Variants in IL1RAPL2 observed in about 807,000 individuals in gnomAD.
IL1RAPL2 encodes X-linked interleukin-1 receptor accessory protein-like 2.
Under a neutral mutation model 44.1 loss-of-function variants are expected in IL1RAPL2, and 3 were observed. The observed-to-expected ratio is 0.07, with a 90% CI of 0.03 to 0.18. IL1RAPL2 has a LOEUF of 0.18. Among genes scored for constraint, IL1RAPL2 ranks in the 10% least tolerant of loss-of-function variants. The pLI is 1.00. For missense variants in IL1RAPL2, 391 were observed against 496.4 expected (o/e 0.79, Z 2.02); for synonymous variants, 181 against 178.8 (o/e 1.01, Z -0.10).
chrX:104,964,345 T>C (rs1433083871), intron 2 of IL1RAPL2, among the ~76,000 whole-genome samples: 1 of 109,111 alleles, frequency 9.2e-6, no homozygotes, highest in Non-Finnish European at 1.9e-5. Flanking sequence ...GGAGTCTCGC[T>C]CTATTGCTCA....
Position 105,338,201 on chromosome X carries a change from A to G in IL1RAPL2, c.697+70660A>G, listed in dbSNP as rs566845745. ...CCCTGTTTTGATGTTTTCATTACCT[A>G]CATTCTCTCCTACAGTACAGTGATA... On this transcript the variant is annotated intron_variant, in intron 5 of 10. Transcript: ENST00000372582. Among the ~76,000 whole-genome samples, 50 of 111,849 alleles carry G rather than the reference A, an allele frequency of 4.5e-4. No homozygotes were observed. The South Asian group carries it at 5.6e-3, about 13-fold the overall frequency.
At chrX:104,879,534 G>A (rs1923006636) in intron 2 of IL1RAPL2, among the ~76,000 whole-genome samples, 1 of 111,188 alleles carries the variant, frequency 9.0e-6, no homozygotes, top group Non-Finnish European at 1.9e-5. Flanking sequence ...AGTGTAATAT[G>A]TTGATTCTTT....
At chrX:105,079,423 T>C (rs772780699) in intron 2 of IL1RAPL2, among the ~76,000 whole-genome samples, 1 of 108,553 alleles carries the variant, frequency 9.2e-6, no homozygotes, top group Non-Finnish European at 1.9e-5. Context: ...CCAACCCAAA[T>C]GCCCATCAAT....
At chrX:105,673,456 A>G (rs1237098119) in intron 6 of IL1RAPL2, among the ~76,000 whole-genome samples, 1 of 111,370 alleles carries the variant, frequency 9.0e-6, no homozygotes, top group Non-Finnish European at 1.9e-5. Context: ...GCTGAGGATT[A>G]TGGCTTCCAG....
intron 6 of IL1RAPL2, among the ~76,000 whole-genome samples, chrX:105,653,807 ACT>A (rs1260018173): frequency 1.8e-5 from 2 of 111,573 alleles, no homozygotes; most frequent in Non-Finnish European, 3.8e-5. Flanking sequence ...AGGGCCATCC[ACT>A]GTTTTTTGTG....
intron 1 of IL1RAPL2, among the ~76,000 whole-genome samples, chrX:104,598,200 T>G (rs994319721): frequency 8.9e-6 from 1 of 112,263 alleles, no homozygotes; most frequent in Non-Finnish European, 1.9e-5. Flanking sequence ...GTCTGGAGTT[T>G]AGACTTTTTT....
intron 6 of IL1RAPL2, among the ~76,000 whole-genome samples, chrX:105,709,912 A>G (rs1256488359): frequency 8.9e-6 from 1 of 111,791 alleles, no homozygotes; most frequent in Non-Finnish European, 1.9e-5. Flanking sequence ...TGGTGACACA[A>G]CTATGTAAGT....
intron 2 of IL1RAPL2, among the ~76,000 whole-genome samples, chrX:105,027,366 A>G (rs1283634443): frequency 9.0e-6 from 1 of 111,669 alleles, no homozygotes; most frequent in East Asian, 2.8e-4. Context: ...AAAGGAAACA[A>G]TCGTCAAAGT....
intron 2 of IL1RAPL2, among the ~76,000 whole-genome samples, chrX:105,147,827 C>A (rs1019221847): frequency 1.8e-5 from 2 of 111,202 alleles, no homozygotes; most frequent in African/African-American, 6.5e-5. Context: ...TTTATATAGA[C>A]ATATGATTTT....
chrX:105,173,934 T>A (rs1314936778), intron 2 of IL1RAPL2, among the ~76,000 whole-genome samples: 2 of 110,697 alleles, frequency 1.8e-5, no homozygotes, highest in Non-Finnish European at 3.8e-5. Flanking sequence ...GGTTTCACCA[T>A]GTTGCCCAGG....
chrX:105,713,232 C>A (rs1386633856), intron 6 of IL1RAPL2, among the ~76,000 whole-genome samples: 1 of 111,724 alleles, frequency 9.0e-6, no homozygotes, highest in Non-Finnish European at 1.9e-5. Context: ...AGTGGGGACT[C>A]TCTATCAGGG....
chrX:105,201,786 G>A lies in IL1RAPL2; in HGVS notation c.356+6038G>A, dbSNP rs200820303. ...GTGAAAAGTTAAGTGTCAACAAGTCGGTTACCCAGGTAGCAATTTCCAGGA... is the reference window on the plus strand; with the variant it reads ...GTGAAAAGTTAAGTGTCAACAAGTCAGTTACCCAGGTAGCAATTTCCAGGA... On this transcript the variant is annotated intron_variant, in intron 3 of 10. Transcript: ENST00000372582. 9.0e-5 allele frequency among the ~76,000 whole-genome samples: 10 copies of A among 111,630 alleles called. No individual in the cohort carries two copies. In the East Asian group the frequency reaches 2.0e-3, roughly 22 times the overall value.
chrX:104,908,332 T>C (rs1248709565), intron 2 of IL1RAPL2, among the ~76,000 whole-genome samples: 1 of 111,575 alleles, frequency 9.0e-6, no homozygotes, highest in African/African-American at 3.3e-5. Context: ...ATGTGTGAAT[T>C]TGATCCTGTC....
Position 105,382,374 on chromosome X carries a change from C to T in IL1RAPL2, c.698-101939C>T, listed in dbSNP as rs759195214. Among the ~76,000 whole-genome samples, 4 of 109,356 alleles carry T rather than the reference C, an allele frequency of 3.7e-5. No individual in the cohort carries two copies. In the East Asian group the frequency reaches 1.1e-3, roughly 31 times the overall value. 95.0% of individuals were successfully genotyped at this position (109,356 alleles called of 115,157 possible). A position where few individuals can be genotyped will look rare whatever the true frequency, so the allele number is the denominator to read the frequency against. ...GCCAAAAGACACGTGAAAAAATGCT[C>T]ATCATCACTGGCCATCAGAGAAATG... is the stretch of plus-strand genomic sequence containing the variant. On this transcript the variant is annotated intron_variant, in intron 5 of 10. Coordinates refer to ENST00000372582, the MANE Select transcript of IL1RAPL2 (RefSeq NM_017416.2).
Position 104,620,639 on chromosome X carries a change from C to CAAAAAAAA in IL1RAPL2, c.-19-38232_-19-38225dup, listed in dbSNP as rs771769782. On this transcript the variant is annotated intron_variant, in intron 1 of 10. Transcript: ENST00000372582. ...TGGGTGACAGAGCGAGAGTCTGTCT[C>CAAAAAAAA]AAAAAAAAAAAAAAAAAAAAAAAAA... Among the ~76,000 whole-genome samples, 13 of 14,589 alleles carry CAAAAAAAA rather than the reference C, an allele frequency of 8.9e-4. 2 individuals carry two copies. The highest frequency in any genetic ancestry group is 7.9e-3 in the East Asian group (2 of 254). The allele number at this position is 14,589 out of a possible 115,157, so 12.7% of individuals were successfully genotyped here. A position where few individuals can be genotyped will look rare whatever the true frequency, so the allele number is the denominator to read the frequency against.
chrX:105,098,890 CA>C (rs2147558936), intron 2 of IL1RAPL2, among the ~76,000 whole-genome samples: 1 of 112,053 alleles, frequency 8.9e-6, no homozygotes, highest in African/African-American at 3.2e-5. Flanking sequence ...TGTGGTTTGG[CA>C]AAAGTTATTT....
At chrX:104,567,846 T>C (rs1212787911) in intron 1 of IL1RAPL2, among the ~76,000 whole-genome samples, 2 of 112,018 alleles carry the variant, frequency 1.8e-5, no homozygotes, top group Non-Finnish European at 3.8e-5. Context: ...CATCAGACGT[T>C]TAAGAAAAAT....
intron 2 of IL1RAPL2, among the ~76,000 whole-genome samples, chrX:105,059,273 C>T (rs2032040701): frequency 8.9e-6 from 1 of 111,734 alleles, no homozygotes; most frequent in African/African-American, 3.3e-5. Flanking sequence ...CCACCCCACC[C>T]CCAGTACCCT....
At chrX:105,334,939 G>GT (rs200045349) in intron 5 of IL1RAPL2, among the ~76,000 whole-genome samples, 17 of 109,689 alleles carry the variant, frequency 1.5e-4, no homozygotes, top group South Asian at 3.9e-4. Flanking sequence ...TTATATAGAG[G>GT]TTTTTTTTTA....
Sources: allele counts gnomAD v4.1 joint callset (sites outside exome capture counted in the v4.1 genomes callset), GRCh38; gene constraint gnomAD v4.1.1; transcripts MANE v1.5; gene names NCBI Gene and HGNC (gene_info 2026-07-23, HGNC 2026-07-21).